The following SYT14 variants were observed in gnomAD, a reference collection of about 807,000 sequenced individuals.
SYT14 encodes the protein synaptotagmin-14.
Under a neutral mutation model 74.2 loss-of-function variants are expected in SYT14, and 32 were observed. That is an observed-to-expected ratio of 0.43 (90% CI 0.33 to 0.58). The LOEUF is 0.58. SYT14 is among the 20% of genes least tolerant of loss of function. SYT14 has a pLI of 0.05. For synonymous variants in SYT14, 298 were observed against 337.7 expected, an observed-to-expected ratio of 0.88 and a Z score of 1.29; for missense variants, 791 against 981.8, an observed-to-expected ratio of 0.81 and a Z score of 2.60.
At chr1:209,987,699 C>T (rs1439162700) in intron 2 of SYT14, among the ~76,000 whole-genome samples, 1 of 152,210 alleles carries the variant, frequency 6.6e-6, no homozygotes, top group Non-Finnish European at 1.5e-5. Context: ...TGTTGTTTTA[C>T]AAAATTTCAC....
chr1:210,070,050 T>A (rs972384266), intron 5 of SYT14, among the ~76,000 whole-genome samples: 1 of 152,142 alleles, frequency 6.6e-6, no homozygotes, highest in African/African-American at 2.4e-5. Flanking sequence ...CTGCAAAATA[T>A]AGTGGTCACT....
chr1:210,069,612 TA>T (rs1175203859), intron 5 of SYT14, among the ~76,000 whole-genome samples: 1 of 151,810 alleles, frequency 6.6e-6, no homozygotes, highest in Non-Finnish European at 1.5e-5. Flanking sequence ...ACACAGCTTT[TA>T]AAAATTGGTA....
At chr1:209,942,721 ACTTC>A (rs2078755526) in intron 1 of SYT14, among the ~76,000 whole-genome samples, 1 of 152,232 alleles carries the variant, frequency 6.6e-6, no homozygotes, top group South Asian at 2.1e-4. Context: ...TAATGATCTA[ACTTC>A]CTTCCTTCAT....
intron 2 of SYT14, among the ~76,000 whole-genome samples, chr1:210,006,773 A>G (rs994890847): frequency 6.6e-6 from 1 of 151,918 alleles, no homozygotes. Flanking sequence ...TATTTTAGAA[A>G]TTATAATTAA....
At chr1:209,974,643 C>G (rs12143962) in intron 2 of SYT14, among the ~76,000 whole-genome samples, 5 of 151,590 alleles carry the variant, frequency 3.3e-5, no homozygotes, top group African/African-American at 1.2e-4. Context: ...AGTCAGGTAG[C>G]GTGATGCCTC....
intron 2 of SYT14, chr1:209,953,192 A>G (rs1417333620): frequency 2.3e-6 from 3 of 1,287,630 alleles, no homozygotes; most frequent in Non-Finnish European, 3.0e-6. Flanking sequence ...GACACCAACA[A>G]CTGTCTATGC....
exon 10 of SYT14, chr1:210,170,652 ATACATAAACATC>A (rs1302308327): frequency 6.6e-6 from 1 of 152,148 alleles, no homozygotes; most frequent in Non-Finnish European, 1.5e-5. Context: ...ATTGATGATG[ATACATAAACATC>A]AGTCCTAATT....
chr1:209,964,203 T>C (rs1277582075), intron 2 of SYT14, among the ~76,000 whole-genome samples: 2 of 152,138 alleles, frequency 1.3e-5, no homozygotes, highest in East Asian at 3.9e-4. Context: ...TTATAAGAGT[T>C]CGGCAGTTCC....
At chr1:210,159,102 CT>C (rs1416916982) in intron 8 of SYT14, among the ~76,000 whole-genome samples, 1 of 151,976 alleles carries the variant, frequency 6.6e-6, no homozygotes. Context: ...ATTATTCAGT[CT>C]TTTATAGTCT....
chr1:209,960,696 A>G (rs1394160006), intron 2 of SYT14, among the ~76,000 whole-genome samples: 1 of 152,134 alleles, frequency 6.6e-6, no homozygotes, highest in East Asian at 1.9e-4. Context: ...ATCAATTAAC[A>G]TCTTAAAGTG....
chr1:210,031,236 A>G (rs1572185108), intron 5 of SYT14, among the ~76,000 whole-genome samples: 4 of 152,108 alleles, frequency 2.6e-5, no homozygotes, highest in Admixed American at 2.6e-4. Flanking sequence ...GATAGATTAC[A>G]TTCATTCATT....
intron 2 of SYT14, among the ~76,000 whole-genome samples, chr1:209,971,102 T>C (rs979290804): frequency 4.6e-5 from 7 of 152,174 alleles, no homozygotes; most frequent in African/African-American, 1.7e-4. Context: ...ATCATTCACC[T>C]CCTTGCTTAG....
At chr1:210,153,118 G>T (rs569680813) in intron 7 of SYT14, among the ~76,000 whole-genome samples, 2 of 152,158 alleles carry the variant, frequency 1.3e-5, no homozygotes, top group African/African-American at 4.8e-5. Flanking sequence ...TTTCTGATGG[G>T]TATATATGTA....
intron 5 of SYT14, among the ~76,000 whole-genome samples, chr1:210,066,077 T>A (rs1389370946): frequency 6.6e-6 from 1 of 151,428 alleles, no homozygotes; most frequent in African/African-American, 2.4e-5. Context: ...TATGGCTGCA[T>A]AGTATTCCAT....
chr1:210,163,780 A>G (rs1385140550), exon 10 of SYT14: 1 of 453,832 alleles, frequency 2.2e-6, no homozygotes, highest in Non-Finnish European at 4.4e-6. Flanking sequence ...TACTGAATCT[A>G]ATGTACGAGA....
intron 7 of SYT14, among the ~76,000 whole-genome samples, chr1:210,138,940 C>G (rs2082847922): frequency 2.0e-5 from 3 of 152,184 alleles, no homozygotes; most frequent in Admixed American, 2.0e-4. Flanking sequence ...TAAACTGTTA[C>G]CAACAAACCT....
At chr1:210,151,734 A>G (rs369144635) in intron 7 of SYT14, among the ~76,000 whole-genome samples, 5 of 152,300 alleles carry the variant, frequency 3.3e-5, no homozygotes, top group South Asian at 2.1e-4. Context: ...AAACACCACT[A>G]TATTTCAGCA....
chr1:210,029,999 A>T (rs531535701), intron 5 of SYT14, among the ~76,000 whole-genome samples: 3 of 152,000 alleles, frequency 2.0e-5, no homozygotes, highest in African/African-American at 4.8e-5. Flanking sequence ...ATTCCTTTTG[A>T]TGTAATCGCA....
At chr1:210,016,635 A>G (rs969863918) in exon 4 of SYT14, 8 of 1,231,730 alleles carry the variant, frequency 6.5e-6, no homozygotes, top group Non-Finnish European at 8.1e-6. Flanking sequence ...AACAAATTGT[A>G]TGAGCAAAAG....
Sources: allele counts gnomAD v4.1 joint callset (sites outside exome capture counted in the v4.1 genomes callset), GRCh38; gene constraint gnomAD v4.1.1; transcripts MANE v1.5; gene names NCBI Gene and HGNC (gene_info 2026-07-23, HGNC 2026-07-21).